Variants in ABHD2 observed in about 807,000 individuals in gnomAD.
ABHD2 encodes monoacylglycerol lipase ABHD2.
ABHD2 carries 20 observed loss-of-function variants against 48.1 expected under a neutral mutation model. That is an observed-to-expected ratio of 0.42 (90% CI 0.29 to 0.60). The LOEUF (loss-of-function observed/expected upper bound fraction) is 0.60. ABHD2 is among the 20% of genes least tolerant of loss of function. The probability of loss-of-function intolerance (pLI) is 0.24; values close to 1 mark genes in which losing one functional copy is unlikely to be tolerated. For synonymous variants in ABHD2, 209 were observed against 214.2 expected (o/e 0.98, Z 0.21); for missense variants, 405 against 550.9 (o/e 0.74, Z 2.65).
At chr15:89,122,748 G>T (rs1433292237) in intron 3 of ABHD2, among the ~76,000 whole-genome samples, 1 of 152,210 alleles carries the variant, frequency 6.6e-6, no homozygotes, top group Non-Finnish European at 1.5e-5. Flanking sequence ...CTGGAAGCCT[G>T]CTATTAAAAT....
In ABHD2 at chr15:89,166,245, C is replaced by T. The variant is rs1211544274; in HGVS notation, c.539-9567C>T. 1.3e-5 allele frequency among the ~76,000 whole-genome samples: 2 copies of T among 152,204 alleles called. No individual in the cohort carries two copies. Among genetic ancestry groups the T allele is most frequent in the Non-Finnish European group, 2.9e-5 (2 of 68,038 alleles). On this transcript the variant is annotated intron_variant, in intron 5 of 10. Transcript: ENST00000352732. This position sits in a 1 kb window ranked among gnomAD's most constrained non-coding sequence, Gnocchi z 4.6. The stretch of plus-strand genomic sequence containing the variant: ...ATGAGCCTTCTAAGAACTTAGTACC[C>T]ATCTCCCACCAAAACACCAAGCTGG...
Position 89,092,993 on chromosome 15 carries a change from C to T in ABHD2, c.-107+4430C>T, listed in dbSNP as rs1290234208. 6.6e-6 allele frequency among the ~76,000 whole-genome samples: 1 copy of T among 151,988 alleles called. No homozygotes were observed. The highest frequency in any genetic ancestry group is 1.9e-4 in the East Asian group (1 of 5,188). On this transcript the variant is annotated intron_variant, in intron 1 of 10. Transcript: ENST00000352732. This position sits in a 1 kb window ranked among gnomAD's most constrained non-coding sequence, Gnocchi z 4.4. ...GTGCAGGGGAGCTTCTAAAGGTCAG[C>T]TGAGAAGGGAGAGCTGGGGCACTGG...
the ABHD2 span, among the ~76,000 whole-genome samples, chr15:89,062,833 G>A: frequency 6.6e-6 from 1 of 152,080 alleles, no homozygotes; most frequent in Non-Finnish European, 1.5e-5. Context: ...GCTAAAGCCG[G>A]CCTGTCTCAC....
chr15:89,081,166 ATTT>A, the ABHD2 span, among the ~76,000 whole-genome samples: 13 of 115,300 alleles, frequency 1.1e-4, no homozygotes, highest in African/African-American at 4.4e-4. Context: ...TGCCCAGCTA[ATTT>A]TTTTTTTTTT....
chr15:89,177,828 G>C lies in ABHD2; in HGVS notation c.722+1833G>C, dbSNP rs781574026. Reference sequence around the variant, plus strand: ...GCAAGGGGCCTACCCCAGGATCCAAGGGAGCAGAACTAGGACGTTTGTTTT... The same window carrying C: ...GCAAGGGGCCTACCCCAGGATCCAACGGAGCAGAACTAGGACGTTTGTTTT... On this transcript the variant is annotated intron_variant, in intron 6 of 10. Transcript: ENST00000352732. The surrounding 1 kb of genome is among the most constrained non-coding windows in gnomAD (Gnocchi z 5.6). Among the ~76,000 whole-genome samples, 25 of 152,176 alleles carry C rather than the reference G, an allele frequency of 1.6e-4. No individual in the cohort carries two copies. Among genetic ancestry groups the C allele is most frequent in the Admixed American group, 3.9e-4 (6 of 15,270 alleles).
chr15:89,081,506 A>G, the ABHD2 span, among the ~76,000 whole-genome samples: 15 of 152,322 alleles, frequency 9.8e-5, no homozygotes, highest in East Asian at 2.9e-3. Flanking sequence ...GGGTGATACA[A>G]GAGATGATTA....
rs2051185407 is a variant in ABHD2 at position 89,185,198 on chromosome 15, G to A, written c.723-226G>A. ...CCAACAAAGCCTCTGGCGCTAGAGA[G>A]GGCCTTTGCCGGGGTCCCCTTCCCC... On this transcript the variant is annotated intron_variant, in intron 6 of 10. Transcript: ENST00000352732. This position sits in a 1 kb window ranked among gnomAD's most constrained non-coding sequence, Gnocchi z 5.9. Among the ~76,000 whole-genome samples the A allele has an allele frequency of 1.3e-5, 2 of 152,194 alleles. No individual in the cohort carries two copies. The highest frequency in any genetic ancestry group is 6.5e-5 in the Admixed American group (1 of 15,288).
intron 3 of ABHD2, among the ~76,000 whole-genome samples, chr15:89,126,108 G>A (rs1428935514): frequency 5.3e-5 from 8 of 152,110 alleles, no homozygotes; most frequent in Non-Finnish European, 1.0e-4. Flanking sequence ...TTACTCTTCA[G>A]GGCCCTACTA....
At chr15:89,113,501 G>C in intron 1 of ABHD2, among the ~76,000 whole-genome samples, 1 of 152,170 alleles carries the variant, frequency 6.6e-6, no homozygotes, top group East Asian at 1.9e-4. Flanking sequence ...CAGAAAACTT[G>C]TCCTAGAAAC....
rs1046966555 is a variant in ABHD2 at position 89,135,931 on chromosome 15, T to C, written c.195-15746T>C. 1.0e-5 allele frequency: 5 copies of C among 492,336 alleles called. No individual in the cohort carries two copies. In the South Asian group the frequency reaches 1.3e-4, roughly 13 times the overall value. 30.5% of individuals were successfully genotyped at this position (492,336 alleles called of 1,614,324 possible). On this transcript the variant is annotated intron_variant, in intron 3 of 10. Transcript: ENST00000352732. ...GGTGCACTGGGATCCTTTAACTTTT[T>C]TTTTTTTCTTTTGAGATGGAGTTTC...
chr15:89,068,406 G>C, the ABHD2 span, among the ~76,000 whole-genome samples: 2 of 152,174 alleles, frequency 1.3e-5, no homozygotes, highest in African/African-American at 2.4e-5. Flanking sequence ...ACCTCAGCTG[G>C]AAAGACTTGA....
intron 3 of ABHD2, among the ~76,000 whole-genome samples, chr15:89,132,414 C>CTAA (rs2050234711): frequency 6.6e-6 from 1 of 152,090 alleles, no homozygotes; most frequent in Admixed American, 6.5e-5. Flanking sequence ...ACTTAGCATA[C>CTAA]TAATTATCTA....
chr15:89,119,089 T>C (rs2050007535), intron 3 of ABHD2, among the ~76,000 whole-genome samples: 2 of 152,190 alleles, frequency 1.3e-5, no homozygotes, highest in South Asian at 4.1e-4. Flanking sequence ...AAGCCCGAAC[T>C]AGGGAGTGGT....
the ABHD2 span, among the ~76,000 whole-genome samples, chr15:89,041,724 C>T: frequency 6.6e-6 from 1 of 152,234 alleles, no homozygotes; most frequent in Non-Finnish European, 1.5e-5. Flanking sequence ...CTGGGGAAAG[C>T]AGCTCTGCCC....
At chr15:89,193,702 C>G (rs1394881561) in intron 10 of ABHD2, among the ~76,000 whole-genome samples, 1 of 152,194 alleles carries the variant, frequency 6.6e-6, no homozygotes, top group Non-Finnish European at 1.5e-5. Flanking sequence ...GTAATCCTAG[C>G]ACTTTGTGAG....
Position 89,155,239 on chromosome 15 carries a change from C to A in ABHD2, c.371-128C>A. ...CAGCTAGAAGGGAAAAATTCTTCCC[C>A]AGAGAACTGAGTGAAAGATGTATGT... On this transcript the variant is annotated intron_variant, in intron 4 of 10. Coordinates refer to ENST00000352732, the MANE Select transcript of ABHD2 (RefSeq NM_152924.5). This position sits in a 1 kb window ranked among gnomAD's most constrained non-coding sequence, Gnocchi z 4.9. 1.9e-6 allele frequency: 2 copies of A among 1,054,840 alleles called. No homozygotes were observed. Among genetic ancestry groups the A allele is most frequent in the Non-Finnish European group, 1.4e-6 (1 of 730,282 alleles). 65.3% of individuals were successfully genotyped at this position (1,054,840 alleles called of 1,614,324 possible). A position where few individuals can be genotyped will look rare whatever the true frequency, so the allele number is the denominator to read the frequency against.
chr15:89,139,556 TAA>T (rs1194335170), intron 3 of ABHD2, among the ~76,000 whole-genome samples: 2 of 152,172 alleles, frequency 1.3e-5, no homozygotes, highest in African/African-American at 4.8e-5. Context: ...AATCAATATA[TAA>T]GAGCCAAAAT....
chr15:89,041,641 T>C, the ABHD2 span, among the ~76,000 whole-genome samples: 35 of 152,216 alleles, frequency 2.3e-4, no homozygotes, highest in Non-Finnish European at 4.4e-4. Context: ...GTAGATGTCC[T>C]AGGAGTCCAC....
At chr15:89,073,814 G>T in the ABHD2 span, among the ~76,000 whole-genome samples, 1 of 152,144 alleles carries the variant, frequency 6.6e-6, no homozygotes, top group Non-Finnish European at 1.5e-5. Flanking sequence ...AGAGCGGTGG[G>T]TCTCAAACTT....
Sources: allele counts gnomAD v4.1 joint callset (sites outside exome capture counted in the v4.1 genomes callset), GRCh38; gene constraint gnomAD v4.1.1; non-coding constraint Gnocchi (gnomAD v3.1); transcripts MANE v1.5; gene names NCBI Gene and HGNC (gene_info 2026-07-23, HGNC 2026-07-21).